Variants in GULP1 observed in about 807,000 individuals in gnomAD.
The protein encoded by GULP1 is GULP PTB domain containing engulfment adaptor 1.
A neutral mutation model predicts 40.9 loss-of-function variants in GULP1; 19 were observed. The ratio of observed to expected loss-of-function variants is 0.46; its 90% CI spans 0.32 to 0.68. The LOEUF is 0.68. Ranked by LOEUF, GULP1 falls within the 30% of genes least tolerant of loss-of-function variation. GULP1 has a pLI of 0.03. For synonymous variants in GULP1, 119 were observed against 117.6 expected (o/e 1.01, Z -0.08); for missense variants, 312 against 362.2 (o/e 0.86, Z 1.12).
chr2:188,589,970 T>C (rs945338554), intron 11 of GULP1: 6 of 222,870 alleles, frequency 2.7e-5, no homozygotes, highest in Admixed American at 9.9e-5. Context: ...GTTTCCTTTC[T>C]TTTCTTTTTT....
intron 5 of GULP1, among the ~76,000 whole-genome samples, chr2:188,527,668 A>G (rs1686529279): frequency 6.6e-6 from 1 of 152,198 alleles, no homozygotes; most frequent in Admixed American, 6.5e-5. Flanking sequence ...AGAGCAAGAC[A>G]GACAGCAAGC....
intron 2 of GULP1, among the ~76,000 whole-genome samples, chr2:188,476,729 C>T (rs944290512): frequency 2.0e-5 from 3 of 152,062 alleles, no homozygotes; most frequent in Non-Finnish European, 4.4e-5. Flanking sequence ...GTTGCTAGAG[C>T]AGCAAAGTTA....
chr2:188,418,137 A>G (rs543572333), intron 2 of GULP1, among the ~76,000 whole-genome samples: 18 of 152,228 alleles, frequency 1.2e-4, no homozygotes, highest in African/African-American at 4.1e-4. Context: ...AAAAAATTAA[A>G]TTGAGGACTT....
chr2:188,571,122 A>T (rs1698939847), intron 9 of GULP1, among the ~76,000 whole-genome samples: 1 of 152,166 alleles, frequency 6.6e-6, no homozygotes, highest in South Asian at 2.1e-4. Context: ...GCACCACTCC[A>T]CTGCAGCCTG....
intron 11 of GULP1, chr2:188,591,418 T>C (rs899150243): frequency 2.6e-5 from 4 of 152,006 alleles, no homozygotes; most frequent in African/African-American, 9.6e-5. Flanking sequence ...ATCAAAACTT[T>C]AAAGCAATCT....
intron 1 of GULP1, among the ~76,000 whole-genome samples, chr2:188,312,158 C>G (rs997707630): frequency 1.3e-5 from 2 of 151,882 alleles, no homozygotes; most frequent in Non-Finnish European, 2.9e-5. Context: ...TACCTAAGTA[C>G]TTTAGAAAAT....
intron 7 of GULP1, among the ~76,000 whole-genome samples, chr2:188,566,178 T>C (rs568013769): frequency 1.3e-5 from 2 of 152,264 alleles, no homozygotes; most frequent in East Asian, 1.9e-4. Context: ...AAAAATGTGA[T>C]GGTTGGAGAG....
At position 188,292,046 on chromosome 2, in the gene GULP1, T is replaced by C. The variant is rs1022660396; in HGVS notation, c.-292T>C. 2 of 152,162 alleles carry C rather than the reference T, an allele frequency of 1.3e-5. No individual in the cohort carries two copies. Among genetic ancestry groups the C allele is most frequent in the African/African-American group, 4.8e-5 (2 of 41,414 alleles). The allele number at this position is 152,162 out of a possible 1,614,324, so 9.4% of individuals were successfully genotyped here. A position where few individuals can be genotyped will look rare whatever the true frequency, so the allele number is the denominator to read the frequency against. On this transcript the variant is annotated 5_prime_UTR_variant, in exon 1 of 12. Coordinates refer to ENST00000409830, the MANE Select transcript of GULP1 (RefSeq NM_016315.4). The surrounding 1 kb of genome is among the most constrained non-coding windows in gnomAD (Gnocchi z 4.0). ...GCGCCGTGTTGGCGTAGAGAAACTT[T>C]CCCTCTCGGCCTCGGAGACGGCGCC... is the stretch of plus-strand genomic sequence containing the variant.
chr2:188,315,212 A>G (rs1261146396), intron 1 of GULP1, among the ~76,000 whole-genome samples: 1 of 152,170 alleles, frequency 6.6e-6, no homozygotes, highest in Non-Finnish European at 1.5e-5. Context: ...TCTCACTTCA[A>G]ACTGTAAAAG....
chr2:188,305,592 A>C, intron 1 of GULP1, among the ~76,000 whole-genome samples: 1 of 152,246 alleles, frequency 6.6e-6, no homozygotes, highest in East Asian at 1.9e-4. Context: ...AAAGTGCTCC[A>C]GCATTATAAC....
chr2:188,444,463 G>A (rs1030664346), intron 2 of GULP1, among the ~76,000 whole-genome samples: 1 of 152,034 alleles, frequency 6.6e-6, no homozygotes, highest in African/African-American at 2.4e-5. Context: ...TTAATATTGA[G>A]AAAACACATT....
At chr2:188,311,475 C>T (rs1040938098) in intron 1 of GULP1, among the ~76,000 whole-genome samples, 3 of 152,074 alleles carry the variant, frequency 2.0e-5, no homozygotes, top group African/African-American at 7.2e-5. Flanking sequence ...GGATTATAGG[C>T]GTGAGCCACC....
At chr2:188,454,041 G>T (rs1488866187) in intron 2 of GULP1, among the ~76,000 whole-genome samples, 1 of 152,158 alleles carries the variant, frequency 6.6e-6, no homozygotes, top group Non-Finnish European at 1.5e-5. Context: ...AGGCCCCCCT[G>T]CTGCCTGAGC....
chr2:188,562,654 C>CAA (rs149165414), intron 7 of GULP1, among the ~76,000 whole-genome samples: 2 of 151,178 alleles, frequency 1.3e-5, no homozygotes, highest in African/African-American at 4.9e-5. Context: ...ATAAAAGTAC[C>CAA]AAAAAAAACC....
intron 1 of GULP1, among the ~76,000 whole-genome samples, chr2:188,374,986 A>T (rs2048114698): frequency 6.6e-6 from 1 of 152,212 alleles, no homozygotes; most frequent in African/African-American, 2.4e-5. Flanking sequence ...AAGAACAATC[A>T]CAAAACATTG....
intron 2 of GULP1, among the ~76,000 whole-genome samples, chr2:188,402,608 TTTAA>T (rs569135031): frequency 8.3e-4 from 127 of 152,182 alleles, no homozygotes; most frequent in African/African-American, 2.9e-3. Flanking sequence ...ACTTATATCC[TTTAA>T]TTAGACTATG....
chr2:188,294,535 C>A (rs1289318955), intron 1 of GULP1: 2 of 143,566 alleles, frequency 1.4e-5, no homozygotes, highest in Non-Finnish European at 3.1e-5. Context: ...TTTTTTTTTT[C>A]TTCAGAGAGG....
chr2:188,342,195 G>C (rs2043062566), intron 1 of GULP1, among the ~76,000 whole-genome samples: 1 of 152,138 alleles, frequency 6.6e-6, no homozygotes, highest in Non-Finnish European at 1.5e-5. Flanking sequence ...CACAGTTCTG[G>C]AGGCCGGAAG....
At chr2:188,359,325 T>G (rs923610436) in intron 1 of GULP1, among the ~76,000 whole-genome samples, 2 of 152,138 alleles carry the variant, frequency 1.3e-5, no homozygotes, top group African/African-American at 4.8e-5. Context: ...TGATAATTAT[T>G]TAGGCTCCAG....
Sources: gnomAD v4.1 joint callset for allele counts (sites outside exome capture counted in the v4.1 genomes callset) on GRCh38, gnomAD v4.1.1 for gene constraint, Gnocchi (gnomAD v3.1) non-coding constraint, MANE v1.5 for transcripts, NCBI Gene and HGNC (gene_info 2026-07-23, HGNC 2026-07-21) for gene names.